Variants in SEMA3E observed in about 807,000 individuals in gnomAD.
SEMA3E encodes the protein semaphorin-3E.
Under a neutral mutation model 93.6 loss-of-function variants are expected in SEMA3E, and 49 were observed. The observed-to-expected ratio is 0.52, with a 90% confidence interval of 0.42 to 0.66. The LOEUF (loss-of-function observed/expected upper bound fraction) is 0.66, where lower values mean the gene tolerates loss of function less well. Among genes scored for constraint, SEMA3E ranks in the 30% least tolerant of loss-of-function variants. SEMA3E has a pLI of 0.00. For missense variants in SEMA3E, 906 were observed against 964.8 expected (o/e 0.94, Z 0.81); for synonymous variants, 363 against 330.7 (o/e 1.10, Z -1.06).
At chr7:83,609,880 T>G (rs1022510665) in intron 1 of SEMA3E, among the ~76,000 whole-genome samples, 1 of 151,920 alleles carries the variant, frequency 6.6e-6, no homozygotes, top group Non-Finnish European at 1.5e-5. Flanking sequence ...AAACCTTACA[T>G]TTATAAAATT....
intron 1 of SEMA3E, among the ~76,000 whole-genome samples, chr7:83,575,406 A>G (rs1792379268): frequency 6.6e-6 from 1 of 151,882 alleles, no homozygotes; most frequent in Non-Finnish European, 1.5e-5. Context: ...GGTAATTTTT[A>G]TCATGTAAAT....
At position 83,404,256 on chromosome 7, in the gene SEMA3E, G is replaced by C. The variant is rs184945571; in HGVS notation, c.998+1194C>G. ...TTCCATGTTTCTCTGTTGAAGAAAA[G>C]GTCTCTTTGCAACAGCAGGATTCTT... On this transcript the variant is annotated intron_variant, in intron 9 of 16. Transcript: ENST00000643230. Among the ~76,000 whole-genome samples the C allele has an allele frequency of 2.0e-4, 30 of 151,970 alleles. No individual in the cohort carries two copies. The East Asian group carries it at 5.4e-3, about 27-fold the overall frequency.
chr7:83,394,585 G>GA (rs1584217132), intron 12 of SEMA3E, among the ~76,000 whole-genome samples: 2 of 104,396 alleles, frequency 1.9e-5, no homozygotes, highest in East Asian at 7.6e-4. Context: ...TTACTGTTTG[G>GA]AATATGATTT....
chr7:83,396,067 G>GTA lies in SEMA3E; in HGVS notation c.1458+570_1458+571insTA, dbSNP rs1442974092. Reference sequence around the variant, plus strand: ...TGTGTGTGTGTGTGTGTGTGTGTGTGTGTATAAGTGCATATGTGCATTTAT... The same window carrying GTA: ...TGTGTGTGTGTGTGTGTGTGTGTGTGTATGTATAAGTGCATATGTGCATTTAT... On this transcript the variant is annotated intron_variant, in intron 12 of 16. Transcript: ENST00000643230. 9.6e-5 allele frequency among the ~76,000 whole-genome samples: 14 copies of GTA among 146,156 alleles called. 1 individual carries two copies. Among genetic ancestry groups the GTA allele is most frequent in the African/African-American group, 3.6e-4 (14 of 38,834 alleles).
intron 4 of SEMA3E, among the ~76,000 whole-genome samples, chr7:83,459,055 C>T (rs144316382): frequency 1.0e-4 from 15 of 148,834 alleles, no homozygotes; most frequent in African/African-American, 3.4e-4. Flanking sequence ...CCAAAATTTA[C>T]CAAATTAGAT....
chr7:83,466,494 T>C lies in SEMA3E; in HGVS notation c.444A>G (p.Gly148=). 2 of 1,614,006 alleles carry C rather than the reference T, an allele frequency of 1.2e-6. No individual in the cohort carries two copies. Among genetic ancestry groups the C allele is most frequent in the Non-Finnish European group, 1.7e-6 (2 of 1,179,974 alleles). ...FDPVCAFIRV[G]YHLEDPLFHL... The stretch of plus-strand genomic sequence containing the variant: ...TGAAACATCTTACCTCCAAATGATA[T>C]CCAACTCTGATGAAGGCACAAACTG... The change falls in exon 4 of 17, where the codon GGA becomes GGG. Residue 148 remains glycine, a synonymous_variant. Coordinates refer to ENST00000643230, the MANE Select transcript of SEMA3E (RefSeq NM_012431.3).
intron 15 of SEMA3E, 26 bp from the exon 16 acceptor site, chr7:83,385,459 T>G (rs1787859482): frequency 1.2e-6 from 2 of 1,611,598 alleles, no homozygotes; most frequent in Admixed American, 3.3e-5. Context: ...TAATGCCATC[T>G]TTGAGACTTA....
At chr7:83,545,989 A>C (rs1791642903) in intron 1 of SEMA3E, among the ~76,000 whole-genome samples, 1 of 146,812 alleles carries the variant, frequency 6.8e-6, no homozygotes, top group Admixed American at 6.9e-5. Context: ...AATAAGCTAC[A>C]TGGGGGCATA....
intron 1 of SEMA3E, among the ~76,000 whole-genome samples, chr7:83,531,762 G>A (rs1260967536): frequency 1.3e-5 from 2 of 152,098 alleles, no homozygotes; most frequent in Non-Finnish European, 2.9e-5. Context: ...CAGATACTGA[G>A]CGTAAAAATG....
At chr7:83,568,508 T>C (rs1400720913) in intron 1 of SEMA3E, among the ~76,000 whole-genome samples, 1 of 151,666 alleles carries the variant, frequency 6.6e-6, no homozygotes, top group Non-Finnish European at 1.5e-5. Flanking sequence ...CAGCAGCAAA[T>C]AAAAAATATA....
intron 1 of SEMA3E, among the ~76,000 whole-genome samples, chr7:83,523,486 G>T (rs1321610321): frequency 6.6e-6 from 1 of 152,034 alleles, no homozygotes; most frequent in African/African-American, 2.4e-5. Context: ...TTACATCCAG[G>T]AAGGTAATCA....
At chr7:83,508,812 G>A (rs2115637422) in intron 1 of SEMA3E, among the ~76,000 whole-genome samples, 1 of 152,204 alleles carries the variant, frequency 6.6e-6, no homozygotes, top group South Asian at 2.1e-4. Context: ...ATTGCCATGG[G>A]TAAAATAATA....
chr7:83,436,151 A>G (rs2115765310), intron 4 of SEMA3E, among the ~76,000 whole-genome samples: 1 of 152,050 alleles, frequency 6.6e-6, no homozygotes, highest in East Asian at 1.9e-4. Context: ...GTTAGGCATT[A>G]TGTTTTATAG....
intron 7 of SEMA3E, among the ~76,000 whole-genome samples, chr7:83,406,732 C>A (rs372203198): frequency 1.3e-5 from 2 of 151,766 alleles, no homozygotes; most frequent in African/African-American, 4.8e-5. Flanking sequence ...TTTAACCAAC[C>A]GAATTGTTCA....
intron 1 of SEMA3E, among the ~76,000 whole-genome samples, chr7:83,529,914 T>C (rs1562820759): frequency 6.6e-6 from 1 of 152,138 alleles, no homozygotes; most frequent in South Asian, 2.1e-4. Flanking sequence ...TCTCCATCTG[T>C]AGTAAAGCCC....
chr7:83,428,248 T>C (rs577779809), intron 4 of SEMA3E, among the ~76,000 whole-genome samples: 1 of 152,324 alleles, frequency 6.6e-6, no homozygotes, highest in Non-Finnish European at 1.5e-5. Context: ...CATTTGTAAA[T>C]CAGCTTCATG....
chr7:83,438,275 AT>A (rs1469901864), intron 4 of SEMA3E, among the ~76,000 whole-genome samples: 1 of 152,134 alleles, frequency 6.6e-6, no homozygotes, highest in Non-Finnish European at 1.5e-5. Flanking sequence ...CTGACTTTAA[AT>A]TTATAATTCA....
At chr7:83,492,680 G>A (rs999336479) in intron 1 of SEMA3E, among the ~76,000 whole-genome samples, 36 of 151,716 alleles carry the variant, frequency 2.4e-4, no homozygotes, top group African/African-American at 8.7e-4. Context: ...TGCAAATTTA[G>A]TGAATCTTCA....
chr7:83,545,823 A>G (rs1192717259), intron 1 of SEMA3E, among the ~76,000 whole-genome samples: 2 of 147,084 alleles, frequency 1.4e-5, no homozygotes, highest in East Asian at 2.0e-4. Flanking sequence ...TATTATATAT[A>G]TATATAATAT....
Sources: gnomAD v4.1 joint callset for allele counts (sites outside exome capture counted in the v4.1 genomes callset) on GRCh38, gnomAD v4.1.1 for gene constraint, MANE v1.5 for transcripts, NCBI Gene and HGNC (gene_info 2026-07-23, HGNC 2026-07-21) for gene names.